The following KSR1 variants were observed in gnomAD, a reference collection of about 807,000 sequenced individuals.
KSR1 encodes the protein kinase suppressor of ras.
Under a neutral mutation model 92.9 loss-of-function variants are expected in KSR1, and 35 were observed. That is an observed-to-expected ratio of 0.38 (90% CI 0.29 to 0.50). KSR1 has a LOEUF of 0.50. Ranked by LOEUF, KSR1 falls within the 20% of genes least tolerant of loss-of-function variation. The pLI is 0.94. For synonymous variants in KSR1, 467 were observed against 472.6 expected (o/e 0.99, Z 0.15); for missense variants, 972 against 1,158.5 (o/e 0.84, Z 2.34).
chr17:27,485,331 G>A (rs977367613), intron 1 of KSR1, among the ~76,000 whole-genome samples: 6 of 152,212 alleles, frequency 3.9e-5, no homozygotes, highest in African/African-American at 1.4e-4. Context: ...TGCTGTGTTT[G>A]GAACTGCTGG....
At position 27,623,848 on chromosome 17, in the gene KSR1, G is replaced by A; in HGVS notation, c.*456G>A. ...CGGGGAGCCCAGAAGGTCTGATCTG[G>A]CCTCTGCTTTTTGGCCCAAGACTCC... On this transcript the variant is annotated 3_prime_UTR_variant, in exon 21 of 21. Coordinates refer to ENST00000644974, the MANE Select transcript of KSR1 (RefSeq NM_001394583.1). 1 of 489,692 alleles carries A rather than the reference G, an allele frequency of 2.0e-6. No individual in the cohort carries two copies. Among genetic ancestry groups the A allele is most frequent in the Non-Finnish European group, 3.5e-6 (1 of 283,738 alleles). 30.3% of individuals were successfully genotyped at this position (489,692 alleles called of 1,614,324 possible). A position where few individuals can be genotyped will look rare whatever the true frequency, so the allele number is the denominator to read the frequency against.
At chr17:27,604,436 G>A (rs2073678697) in intron 12 of KSR1, among the ~76,000 whole-genome samples, 1 of 152,178 alleles carries the variant, frequency 6.6e-6, no homozygotes, top group Non-Finnish European at 1.5e-5. Context: ...GGGCTTTGGG[G>A]ATCACTGCCC....
At chr17:27,585,941 C>T in intron 5 of KSR1, 1 of 457,386 alleles carries the variant, frequency 2.2e-6, no homozygotes, top group South Asian at 3.1e-5. Context: ...CTGTCTCCAC[C>T]TTGCCCTTCC....
At chr17:27,467,878 G>A (rs559313487) in intron 1 of KSR1, among the ~76,000 whole-genome samples, 2 of 149,868 alleles carry the variant, frequency 1.3e-5, no homozygotes, top group East Asian at 2.0e-4. Context: ...TGGCGCAATC[G>A]TGGCTCACTG....
chr17:27,519,148 G>A (rs1025898328), intron 1 of KSR1, among the ~76,000 whole-genome samples: 1 of 152,218 alleles, frequency 6.6e-6, no homozygotes, highest in Non-Finnish European at 1.5e-5. Flanking sequence ...AGTAATACCT[G>A]AACAGAGGCT....
intron 1 of KSR1, among the ~76,000 whole-genome samples, chr17:27,469,301 G>A (rs1399518179): frequency 6.6e-6 from 1 of 152,122 alleles, no homozygotes; most frequent in African/African-American, 2.4e-5. Flanking sequence ...GGTTGTTTGT[G>A]CTTTATTTTG....
At chr17:27,492,167 T>C (rs1164792117) in intron 1 of KSR1, among the ~76,000 whole-genome samples, 1 of 151,380 alleles carries the variant, frequency 6.6e-6, no homozygotes, top group Admixed American at 6.6e-5. Flanking sequence ...CAGATACGAG[T>C]GGGTGGCTTC....
At chr17:27,606,686 C>G (rs1325587041) in intron 14 of KSR1, among the ~76,000 whole-genome samples, 3 of 151,640 alleles carry the variant, frequency 2.0e-5, no homozygotes, top group Non-Finnish European at 4.4e-5. Context: ...CAATTTCAGA[C>G]TACCAATGTT....
chr17:27,588,396 C>G, intron 5 of KSR1, 79 bp from the exon 6 acceptor site: 1 of 1,307,396 alleles, frequency 7.6e-7, no homozygotes, highest in Non-Finnish European at 1.1e-6. Context: ...AGCCTGTGGT[C>G]TCTGAATTAG....
chr17:27,625,293 C>G lies in KSR1; in HGVS notation c.*1901C>G, dbSNP rs541181335. The stretch of plus-strand genomic sequence containing the variant: ...AACAGTAGGCTCAGTTCCTCCCTGA[C>G]CCCTGACACCAGGCCGCAGTGGGCA... On this transcript the variant is annotated 3_prime_UTR_variant, in exon 21 of 21. Coordinates refer to ENST00000644974, the MANE Select transcript of KSR1 (RefSeq NM_001394583.1). The G allele has an allele frequency of 2.0e-5, 3 of 152,294 alleles. No homozygotes were observed. Among genetic ancestry groups the G allele is most frequent in the African/African-American group, 7.2e-5 (3 of 41,474 alleles). The allele number at this position is 152,294 out of a possible 1,614,324, so 9.4% of individuals were successfully genotyped here. A position where few individuals can be genotyped will look rare whatever the true frequency, so the allele number is the denominator to read the frequency against.
Position 27,592,639 on chromosome 17 carries a change from A to G in KSR1, c.1299+13A>G. ...ACTGACAAAGAAGGTACGCTGGGTA[A>G]TGCTGGGGAGGACGCCCTTCTGCCA... On this transcript the variant is annotated intron_variant, in intron 9 of 20. Transcript: ENST00000644974. 1 of 1,608,600 alleles carries G rather than the reference A, an allele frequency of 6.2e-7. No individual in the cohort carries two copies. Among genetic ancestry groups the G allele is most frequent in the African/African-American group, 1.3e-5 (1 of 74,898 alleles).
At chr17:27,539,277 C>T (rs1356093156) in intron 1 of KSR1, among the ~76,000 whole-genome samples, 1 of 152,166 alleles carries the variant, frequency 6.6e-6, no homozygotes, top group Non-Finnish European at 1.5e-5. Context: ...CAGACAAACA[C>T]ATGGAGTGTG....
intron 11 of KSR1, 34 bp from the exon 12 acceptor site, chr17:27,603,800 C>A (rs1450149041): frequency 6.2e-7 from 1 of 1,608,660 alleles, no homozygotes; most frequent in Non-Finnish European, 8.5e-7. Context: ...GGAAAGCAAT[C>A]TCATGCTTTG....
Position 27,582,829 on chromosome 17 carries a change from C to T in KSR1, c.704C>T (p.Ala235Val), listed in dbSNP as rs1424857820. ...PRSISVSALP[A>V]SDSPTPSFSE... ...TCCATCTCCGTGTCAGCTCTGCCCG[C>T]CTCAGACTCCCCCACCCCCAGCTTC... is the stretch of plus-strand genomic sequence containing the variant. The change falls in exon 4 of 21, where the codon GCC (alanine) becomes GTC (valine). Residue 235 changes from alanine to valine, a missense_variant. This residue lies in a region of KSR1 where 611 missense variants were observed against 668.0 expected (regional missense o/e 0.91). Coordinates refer to ENST00000644974, the MANE Select transcript of KSR1 (RefSeq NM_001394583.1). 5.6e-6 allele frequency: 9 copies of T among 1,613,608 alleles called. No individual in the cohort carries two copies. The South Asian group carries it at 8.8e-5, about 16-fold the overall frequency.
intron 3 of KSR1, among the ~76,000 whole-genome samples, chr17:27,580,521 G>A (rs376021249): frequency 1.3e-5 from 2 of 152,128 alleles, no homozygotes; most frequent in South Asian, 2.1e-4. Flanking sequence ...CAGCTGTTCC[G>A]CTCTAGGTTA....
At chr17:27,530,157 C>T (rs2070475810) in intron 1 of KSR1, among the ~76,000 whole-genome samples, 1 of 152,250 alleles carries the variant, frequency 6.6e-6, no homozygotes, top group Admixed American at 6.5e-5. Flanking sequence ...TGAGGTTTTG[C>T]TCCATCTAAA....
intron 1 of KSR1, among the ~76,000 whole-genome samples, chr17:27,469,402 A>G (rs2019862575): frequency 6.6e-6 from 1 of 152,126 alleles, no homozygotes; most frequent in African/African-American, 2.4e-5. Flanking sequence ...TCCACAACAC[A>G]ATCGTGATGT....
At chr17:27,521,943 T>C (rs2070052070) in intron 1 of KSR1, among the ~76,000 whole-genome samples, 1 of 152,284 alleles carries the variant, frequency 6.6e-6, no homozygotes, top group Non-Finnish European at 1.5e-5. Flanking sequence ...CTTTCTCTGT[T>C]CTTTCCTTTC....
intron 1 of KSR1, among the ~76,000 whole-genome samples, chr17:27,457,759 A>G (rs537886726): frequency 6.6e-6 from 1 of 152,298 alleles, no homozygotes; most frequent in East Asian, 1.9e-4. Context: ...GATTTTGGCC[A>G]GGGACGGGGC....
Sources: allele counts gnomAD v4.1 joint callset (sites outside exome capture counted in the v4.1 genomes callset), GRCh38; gene constraint gnomAD v4.1.1; regional missense constraint gnomAD v4.1.1; transcripts MANE v1.5; gene names NCBI Gene and HGNC (gene_info 2026-07-23, HGNC 2026-07-21).